The following GBP2 variants were observed in gnomAD, a reference collection of about 807,000 sequenced individuals.
GBP2 encodes the protein guanylate-binding protein 2.
In GBP2, 54 loss-of-function variants were observed where a neutral mutation model predicts 60.8. That is an observed-to-expected ratio of 0.89 (90% CI 0.71 to 1.11). The LOEUF (loss-of-function observed/expected upper bound fraction) is 1.11. Ranked by LOEUF, GBP2 falls within the 50% of genes most tolerant of loss-of-function variation. GBP2 has a pLI of 0.00. For synonymous variants in GBP2, 243 were observed against 256.5 expected, an observed-to-expected ratio of 0.95 and a Z score of 0.50; for missense variants, 665 against 703.3, an observed-to-expected ratio of 0.95 and a Z score of 0.62.
rs1168903398 is a variant in GBP2, at chr1:89,106,375, A to G, written c.*1800T>C. 4 of 152,212 alleles carry G rather than the reference A, an allele frequency of 2.6e-5. No individual in the cohort carries two copies. Among genetic ancestry groups the G allele is most frequent in the Non-Finnish European group, 4.4e-5 (3 of 68,030 alleles). The allele number at this position is 152,212 out of a possible 1,614,324, so 9.4% of individuals were successfully genotyped here. A position where few individuals can be genotyped will look rare whatever the true frequency, so the allele number is the denominator to read the frequency against. On this transcript the variant is annotated 3_prime_UTR_variant, in exon 11 of 11. Transcript: ENST00000370466. ...AAATACAAATGAACTAATATGTTAA[A>G]TTGTGTTCCCAGGGTTGGGGAATAG...
intron 10 of GBP2, among the ~76,000 whole-genome samples, chr1:89,109,130 G>A (rs1170616876): frequency 6.6e-6 from 1 of 152,014 alleles, no homozygotes; most frequent in Non-Finnish European, 1.5e-5. Flanking sequence ...CCCGACCTGA[G>A]GTGATCCGCC....
intron 4 of GBP2, 171 bp downstream of exon 4, chr1:89,120,008 T>G: frequency 1.7e-6 from 1 of 581,928 alleles, no homozygotes; most frequent in East Asian, 3.0e-5. Context: ...CTGGGAAGAC[T>G]TGAAGTTCAG....
At chr1:89,113,623 A>G (rs1681208178) in intron 7 of GBP2, among the ~76,000 whole-genome samples, 1 of 152,158 alleles carries the variant, frequency 6.6e-6, no homozygotes, top group Non-Finnish European at 1.5e-5. Context: ...CCTTCTGAAT[A>G]TTTTACCATT....
At chr1:89,119,420 G>C (rs1054424682) in intron 4 of GBP2, 1 of 152,176 alleles carries the variant, frequency 6.6e-6, no homozygotes, top group Non-Finnish European at 1.5e-5. Context: ...CATTGATAAT[G>C]AACTAGGTTA....
intron 4 of GBP2, chr1:89,119,930 A>C (rs1267228653): frequency 1.6e-5 from 7 of 438,474 alleles, no homozygotes; most frequent in Admixed American, 3.7e-5. Flanking sequence ...TTGGACAGGC[A>C]TAGGAGATTA....
Position 89,109,686 on chromosome 1 carries a change from A to T in GBP2, c.1650T>A (p.Leu550=), listed in dbSNP as rs748501713. Reference sequence around the variant, plus strand: ...TGATGCAATTGAATACCTGAAGTTTAAGAGCGAGGGTCTTCTCTTGCTCTG... The same window carrying T: ...TGATGCAATTGAATACCTGAAGTTTTAGAGCGAGGGTCTTCTCTTGCTCTG... ...LMAEQEKTLA[L]KLQEQERLLK... is the part of the protein sequence containing the mutation. The change falls in exon 10 of 11, where the codon CTT becomes CTA. Residue 550 remains leucine, a synonymous_variant. Coordinates refer to ENST00000370466, the MANE Select transcript of GBP2 (RefSeq NM_004120.5). The T allele has an allele frequency of 6.2e-7, 1 of 1,613,058 alleles. No homozygotes were observed. Among genetic ancestry groups the T allele is most frequent in the Non-Finnish European group, 8.5e-7 (1 of 1,179,602 alleles).
At chr1:89,113,925 G>C in intron 7 of GBP2, 91 bp downstream of exon 7, 1 of 1,371,570 alleles carries the variant, frequency 7.3e-7, no homozygotes. Context: ...ACACATAACT[G>C]AGTGTAACTA....
chr1:89,112,761 G>T (rs1278788113), intron 7 of GBP2, 77 bp from the exon 8 acceptor site: 2 of 1,181,244 alleles, frequency 1.7e-6, no homozygotes, highest in Non-Finnish European at 2.5e-6. Context: ...ACTGGAAAAT[G>T]CTTCTCCTTC....
At chr1:89,121,701 A>G in intron 2 of GBP2, 76 bp downstream of exon 2, 1 of 1,456,296 alleles carries the variant, frequency 6.9e-7, no homozygotes, top group Non-Finnish European at 9.4e-7. Context: ...ATCTCTTTCT[A>G]TGCTCACATC....
chr1:89,125,603 A>G (rs1171366750), intron 1 of GBP2, among the ~76,000 whole-genome samples: 1 of 152,226 alleles, frequency 6.6e-6, no homozygotes, highest in Non-Finnish European at 1.5e-5. Context: ...TTAAGCAGAT[A>G]CTAATAATGA....
At chr1:89,115,756 G>A (rs1681257000) in intron 6 of GBP2, among the ~76,000 whole-genome samples, 1 of 152,072 alleles carries the variant, frequency 6.6e-6, no homozygotes. Flanking sequence ...AAGCACCACT[G>A]CACTTGGCTG....
rs893431494 is a variant in GBP2, at chr1:89,114,111, G to C, written c.1054C>G (p.Leu352Val). ...CTCTCACTGTCCCTGTGCAGGTCCA[G>C]CAGCTCCTGGAGGGTTTCCGTGGGC... ...QLPTETLQEL[L>V]DLHRDSEREA... The change falls in exon 7 of 11, where the codon CTG (leucine) becomes GTG (valine). Residue 352 changes from leucine (L) to valine (V), a missense_variant. Physicochemically the swap from Leu to Val is conservative, Grantham distance 32. Transcript: ENST00000370466. 9 of 1,614,080 alleles carry C rather than the reference G, an allele frequency of 5.6e-6. No individual in the cohort carries two copies. The African/African-American group carries it at 1.2e-4, about 22-fold the overall frequency.
chr1:89,107,777 C>T lies in GBP2; in HGVS notation c.*398G>A, dbSNP rs1172436368. On this transcript the variant is annotated 3_prime_UTR_variant, in exon 11 of 11. Transcript: ENST00000370466. ...CCCTATGCTACGACCATAGTTAAAT[C>T]CCTGAATAAGAGTATAGGACTGAAT... Among the ~76,000 whole-genome samples the T allele has an allele frequency of 6.6e-6, 1 of 152,070 alleles. No individual in the cohort carries two copies. Among genetic ancestry groups the T allele is most frequent in the Non-Finnish European group, 1.5e-5 (1 of 68,016 alleles).
Position 89,126,076 on chromosome 1 carries a change from A to G in GBP2, c.-231T>C, listed in dbSNP as rs1365652124. On this transcript the variant is annotated 5_prime_UTR_variant, in exon 1 of 11. Coordinates refer to ENST00000370466, the MANE Select transcript of GBP2 (RefSeq NM_004120.5). Reference sequence around the variant, plus strand: ...AATGTCAGAGACCTGACGAGAGACAAGAAAAAGAGGTAACCTCTGCAAAGA... The same window carrying G: ...AATGTCAGAGACCTGACGAGAGACAGGAAAAAGAGGTAACCTCTGCAAAGA... 2.0e-5 allele frequency: 3 copies of G among 152,240 alleles called. No individual in the cohort carries two copies. Among genetic ancestry groups the G allele is most frequent in the Non-Finnish European group, 2.9e-5 (2 of 68,026 alleles). 9.4% of individuals were successfully genotyped at this position (152,240 alleles called of 1,614,324 possible).
At chr1:89,112,733 GA>G in intron 7 of GBP2, 49 bp from the exon 8 acceptor site, 1 of 1,462,140 alleles carries the variant, frequency 6.8e-7, no homozygotes, top group Non-Finnish European at 9.6e-7. Context: ...CCATGAGGAG[GA>G]TGTTAACTAT....
chr1:89,121,349 T>C (rs1681393523), intron 2 of GBP2, 79 bp from the exon 3 acceptor site: 1 of 1,314,592 alleles, frequency 7.6e-7, no homozygotes, highest in African/African-American at 1.5e-5. Context: ...TTAACATAAT[T>C]GAAGTTAAAA....
chr1:89,112,979 C>T (rs1681193903), intron 7 of GBP2: 2 of 383,528 alleles, frequency 5.2e-6, no homozygotes, highest in African/African-American at 2.1e-5. Context: ...CCAAGTCTCT[C>T]ATTTCAGGAA....
intron 1 of GBP2, among the ~76,000 whole-genome samples, chr1:89,123,363 T>C (rs551063313): frequency 5.9e-4 from 90 of 152,234 alleles, no homozygotes; most frequent in Admixed American, 1.4e-3. Flanking sequence ...CATTTATTTC[T>C]CGTCTATCTG....
At position 89,106,628 on chromosome 1, in the gene GBP2, C is replaced by T. The variant is rs1261372508; in HGVS notation, c.*1547G>A. The T allele has an allele frequency of 6.6e-6, 1 of 152,214 alleles. No homozygotes were observed. The highest frequency in any genetic ancestry group is 1.5e-5 in the Non-Finnish European group (1 of 68,032). 9.4% of individuals were successfully genotyped at this position (152,214 alleles called of 1,614,324 possible). A position where few individuals can be genotyped will look rare whatever the true frequency, so the allele number is the denominator to read the frequency against. Reference sequence around the variant, plus strand: ...TCCTACTATAAGATTTATCTCCATACATCTGCATGGAAAAACTGGTTGACT... The same window carrying T: ...TCCTACTATAAGATTTATCTCCATATATCTGCATGGAAAAACTGGTTGACT... On this transcript the variant is annotated 3_prime_UTR_variant, in exon 11 of 11. Coordinates refer to ENST00000370466, the MANE Select transcript of GBP2 (RefSeq NM_004120.5).
Sources: gnomAD v4.1 joint callset for allele counts (sites outside exome capture counted in the v4.1 genomes callset) on GRCh38, gnomAD v4.1.1 for gene constraint, MANE v1.5 for transcripts, NCBI Gene and HGNC (gene_info 2026-07-23, HGNC 2026-07-21) for gene names.